The following DCC variants were observed in gnomAD, a reference collection of about 807,000 sequenced individuals.
DCC encodes netrin receptor DCC.
A neutral mutation model predicts 172.5 loss-of-function variants in DCC; 58 were observed. The observed-to-expected ratio is 0.34, with a 90% confidence interval of 0.27 to 0.42. The LOEUF (loss-of-function observed/expected upper bound fraction) is 0.42. DCC is among the 10% of genes least tolerant of loss of function. The probability of loss-of-function intolerance (pLI) is 1.00; values close to 1 mark genes in which losing one functional copy is unlikely to be tolerated. For synonymous variants in DCC, 709 were observed against 644.5 expected, an observed-to-expected ratio of 1.10 and a Z score of -1.52; for missense variants, 1,740 against 1,791.0, an observed-to-expected ratio of 0.97 and a Z score of 0.51.
In DCC at chr18:52,767,729, T is replaced by C. The variant is rs144659614; in HGVS notation, c.412+15355T>C. Among the ~76,000 whole-genome samples the C allele has an allele frequency of 2.0e-3, 306 of 152,296 alleles. No homozygotes were observed. The East Asian group carries it at 0.021, about 10-fold the overall frequency. ...TACCTGTAGTACAAACGTTTCACTT[T>C]AAAAAAGGGCTTTTTAAAAGCCGTT... On this transcript the variant is annotated intron_variant, in intron 2 of 28. Transcript: ENST00000442544.
rs140288450 is a variant in DCC at position 52,528,120 on chromosome 18, G to C, written c.91+187242G>C. Among the ~76,000 whole-genome samples, 688 of 152,246 alleles carry C rather than the reference G, an allele frequency of 4.5e-3. 11 individuals carry two copies. Among genetic ancestry groups the C allele is most frequent in the African/African-American group, 0.016 (664 of 41,532 alleles). ...CACATGGTTTAAAATTCTCAGGTAT[G>C]AATACTTGTATAATAGATGGAGCAT... On this transcript the variant is annotated intron_variant, in intron 1 of 28. Coordinates refer to ENST00000442544, the MANE Select transcript of DCC (RefSeq NM_005215.4).
At chr18:52,372,994 G>A (rs533629928) in intron 1 of DCC, among the ~76,000 whole-genome samples, 6 of 152,116 alleles carry the variant, frequency 3.9e-5, no homozygotes, top group East Asian at 1.9e-4. Context: ...CTATTCCCAC[G>A]CTAGGTTTGA....
At chr18:53,427,896 A>T (rs1389740838) in intron 21 of DCC, among the ~76,000 whole-genome samples, 1 of 98,120 alleles carries the variant, frequency 1.0e-5, no homozygotes, top group African/African-American at 3.6e-5. Flanking sequence ...AATATAATAA[A>T]TTATATATAA....
At chr18:52,628,429 T>C (rs1307950657) in intron 1 of DCC, among the ~76,000 whole-genome samples, 2 of 152,240 alleles carry the variant, frequency 1.3e-5, no homozygotes, top group East Asian at 1.9e-4. Flanking sequence ...TATTCTGATA[T>C]ATAGTATTTG....
intron 1 of DCC, among the ~76,000 whole-genome samples, chr18:52,647,218 C>T (rs1276564584): frequency 6.6e-6 from 1 of 152,182 alleles, no homozygotes; most frequent in Non-Finnish European, 1.5e-5. Context: ...TTCTTCTTTA[C>T]ATTTCTGTCT....
At chr18:53,222,563 T>C (rs1402733050) in intron 12 of DCC, among the ~76,000 whole-genome samples, 3 of 151,752 alleles carry the variant, frequency 2.0e-5, no homozygotes, top group African/African-American at 7.3e-5. Context: ...TTTTTACTTT[T>C]TTTTAGTAGA....
intron 9 of DCC, among the ~76,000 whole-genome samples, chr18:53,190,605 C>T: frequency 6.6e-6 from 1 of 151,938 alleles, no homozygotes; most frequent in East Asian, 1.9e-4. Flanking sequence ...TATTAATTCA[C>T]CATTGATAAA....
chr18:52,981,336 T>C (rs1301391243), intron 5 of DCC, among the ~76,000 whole-genome samples: 3 of 152,140 alleles, frequency 2.0e-5, no homozygotes, highest in African/African-American at 7.2e-5. Context: ...GTTCTTTTCT[T>C]TTTCATACAT....
rs2031998400 is a variant in DCC, at chr18:52,526,847, TG to T, written c.91+185971del. ...CATAGATCCATCTATTTTGGTGATC[TG>T]GAAGTAGGAATATAGTAAAATGCTC... On this transcript the variant is annotated intron_variant, in intron 1 of 28. Coordinates refer to ENST00000442544, the MANE Select transcript of DCC (RefSeq NM_005215.4). Among the ~76,000 whole-genome samples the T allele has an allele frequency of 2.0e-5, 3 of 152,224 alleles. No individual in the cohort carries two copies. In the South Asian group the frequency reaches 6.2e-4, roughly 32 times the overall value.
intron 2 of DCC, among the ~76,000 whole-genome samples, chr18:52,811,262 G>A (rs4330004): frequency 0.093 from 14,137 of 152,146 alleles, 739 homozygotes; most frequent in South Asian, 0.19. Flanking sequence ...ATATTTATAT[G>A]ATACCCTTTT....
chr18:52,709,966 G>A (rs1599037378), intron 1 of DCC, among the ~76,000 whole-genome samples: 1 of 152,302 alleles, frequency 6.6e-6, no homozygotes, highest in African/African-American at 2.4e-5. Context: ...TCCTGAGAAT[G>A]TGGAGGAATA....
chr18:53,229,935 T>A (rs1048420369), intron 12 of DCC, among the ~76,000 whole-genome samples: 2 of 152,108 alleles, frequency 1.3e-5, no homozygotes, highest in African/African-American at 2.4e-5. Context: ...TTCTTCCAAT[T>A]CCTTGGAAAA....
chr18:52,913,163 A>G (rs2039995314), intron 3 of DCC, among the ~76,000 whole-genome samples: 1 of 152,004 alleles, frequency 6.6e-6, no homozygotes, highest in Non-Finnish European at 1.5e-5. Flanking sequence ...TGACAATCCT[A>G]TTGTAGTGGA....
At chr18:52,541,829 T>C (rs1206304774) in intron 1 of DCC, among the ~76,000 whole-genome samples, 1 of 144,548 alleles carries the variant, frequency 6.9e-6, no homozygotes, top group Non-Finnish European at 1.5e-5. Context: ...TTGTATGGCA[T>C]CTAGACATGA....
chr18:53,510,896 T>C (rs1470533499), intron 27 of DCC, among the ~76,000 whole-genome samples: 1 of 152,212 alleles, frequency 6.6e-6, no homozygotes, highest in Non-Finnish European at 1.5e-5. Context: ...TCCTCTAAGA[T>C]TGTCTGGCCT....
At chr18:53,041,692 A>T (rs1016323320) in intron 5 of DCC, among the ~76,000 whole-genome samples, 3 of 152,048 alleles carry the variant, frequency 2.0e-5, no homozygotes, top group Non-Finnish European at 4.4e-5. Context: ...GATTTCCTTC[A>T]GCAGTGGTTG....
At chr18:53,240,859 T>C (rs534419616) in intron 12 of DCC, among the ~76,000 whole-genome samples, 1 of 152,340 alleles carries the variant, frequency 6.6e-6, no homozygotes, top group South Asian at 2.1e-4. Flanking sequence ...ATTTTTCAGA[T>C]ATTTGTAATA....
At chr18:53,206,194 A>G (rs1441786808) in intron 10 of DCC, among the ~76,000 whole-genome samples, 2 of 136,262 alleles carry the variant, frequency 1.5e-5, no homozygotes, top group Non-Finnish European at 3.1e-5. Context: ...ATATACGTAT[A>G]CATATATAAT....
At chr18:53,075,364 G>T (rs761553723) in intron 7 of DCC, among the ~76,000 whole-genome samples, 1 of 152,148 alleles carries the variant, frequency 6.6e-6, no homozygotes, top group Non-Finnish European at 1.5e-5. Flanking sequence ...AGCCAGCTCA[G>T]TGCTAATCAA....
Sources: gnomAD v4.1 joint callset for allele counts (sites outside exome capture counted in the v4.1 genomes callset) on GRCh38, gnomAD v4.1.1 for gene constraint, MANE v1.5 for transcripts, NCBI Gene and HGNC (gene_info 2026-07-23, HGNC 2026-07-21) for gene names.